PRIM2: variants seen among roughly 807,000 people sequenced by gnomAD.
PRIM2 encodes DNA primase large subunit.
PRIM2 carries 39 observed loss-of-function variants against 67.3 expected under a neutral mutation model. The ratio of observed to expected loss-of-function variants is 0.58; its 90% CI spans 0.45 to 0.76. The LOEUF is 0.76. PRIM2 is among the 30% of genes least tolerant of loss of function. The probability of loss-of-function intolerance (pLI) is 0.00; values close to 1 mark genes in which losing one functional copy is unlikely to be tolerated. For missense variants in PRIM2, 398 were observed against 598.7 expected, an observed-to-expected ratio of 0.66 and a Z score of 3.50; for synonymous variants, 143 against 198.7, an observed-to-expected ratio of 0.72 and a Z score of 2.36.
chr6:57,453,551 G>A lies in PRIM2; in HGVS notation c.694-53836G>A, dbSNP rs1772636834. On this transcript the variant is annotated intron_variant, in intron 7 of 13. Coordinates refer to ENST00000615550, the MANE Select transcript of PRIM2 (RefSeq NM_000947.5). ...GTATTTTATTCTCTTTGAAGCAATT[G>A]TGAATGGGAGTTCACTCATGATTTG... Among the ~76,000 whole-genome samples, 3 of 152,188 alleles carry A rather than the reference G, an allele frequency of 2.0e-5. No homozygotes were observed. The South Asian group carries it at 6.2e-4, about 32-fold the overall frequency.
intron 7 of PRIM2, among the ~76,000 whole-genome samples, chr6:57,462,586 T>C (rs1183403779): frequency 1.3e-5 from 2 of 152,190 alleles, no homozygotes; most frequent in Non-Finnish European, 2.9e-5. Flanking sequence ...GTTTGGTTCT[T>C]TGTGATCTGG....
At chr6:57,500,447 T>C (rs1774108398) in intron 7 of PRIM2, among the ~76,000 whole-genome samples, 1 of 152,086 alleles carries the variant, frequency 6.6e-6, no homozygotes, top group Admixed American at 6.6e-5. Flanking sequence ...ATCAAAAGGG[T>C]CAGAGTCTAG....
intron 5 of PRIM2, among the ~76,000 whole-genome samples, chr6:57,353,589 G>A (rs1257743540): frequency 1.2e-4 from 18 of 152,196 alleles, no homozygotes; most frequent in Non-Finnish European, 2.1e-4. Flanking sequence ...GAAGATCTAC[G>A]GTTTTGGTGG....
intron 10 of PRIM2, among the ~76,000 whole-genome samples, chr6:57,596,110 A>G (rs1181796741): frequency 2.6e-5 from 4 of 152,164 alleles, no homozygotes; most frequent in African/African-American, 9.6e-5. Flanking sequence ...AGATGCACCT[A>G]GCATCCCTCT....
At chr6:57,458,261 G>A (rs1581926762) in intron 7 of PRIM2, among the ~76,000 whole-genome samples, 1 of 152,296 alleles carries the variant, frequency 6.6e-6, no homozygotes, top group Non-Finnish European at 1.5e-5. Flanking sequence ...CATCATGCAT[G>A]TGTACAGCTT....
At chr6:57,433,144 C>A (rs1287200311) in intron 7 of PRIM2, among the ~76,000 whole-genome samples, 1 of 152,112 alleles carries the variant, frequency 6.6e-6, no homozygotes, top group African/African-American at 2.4e-5. Context: ...GATCCTGTGG[C>A]CTTCACAGCT....
chr6:57,406,119 GCT>G (rs1403153207), intron 7 of PRIM2, among the ~76,000 whole-genome samples: 2 of 152,202 alleles, frequency 1.3e-5, no homozygotes, highest in African/African-American at 4.8e-5. Context: ...ATTTTGCAAG[GCT>G]CTCTCTTAGA....
intron 7 of PRIM2, among the ~76,000 whole-genome samples, chr6:57,410,214 C>T (rs558943843): frequency 6.6e-6 from 1 of 151,632 alleles, no homozygotes; most frequent in Non-Finnish European, 1.5e-5. Context: ...ATCCCAGCTA[C>T]TCAGGAGGCT....
intron 7 of PRIM2, among the ~76,000 whole-genome samples, chr6:57,462,850 C>CA (rs11381052): frequency 2.6e-5 from 4 of 152,020 alleles, no homozygotes; most frequent in Middle Eastern, 3.4e-3. Context: ...TTAACAAATA[C>CA]AAAAAAAGGA....
At chr6:57,259,950 G>A in the PRIM2 span, among the ~76,000 whole-genome samples, 10 of 152,198 alleles carry the variant, frequency 6.6e-5, no homozygotes, top group Non-Finnish European at 1.3e-4. Flanking sequence ...AGCTATCCTA[G>A]CATCAGAGCT....
At chr6:57,407,005 A>C (rs1340771099) in intron 7 of PRIM2, among the ~76,000 whole-genome samples, 1 of 150,980 alleles carries the variant, frequency 6.6e-6, no homozygotes, top group Non-Finnish European at 1.5e-5. Context: ...CAGATAACTG[A>C]ACCTGGAAAA....
chr6:57,644,064 C>A (rs1344624733), intron 13 of PRIM2, among the ~76,000 whole-genome samples: 3 of 152,140 alleles, frequency 2.0e-5, no homozygotes, highest in African/African-American at 7.2e-5. Flanking sequence ...TTTAATCACA[C>A]CACGTCTCTT....
chr6:57,311,200 C>T (rs6915459), upstream of PRIM2, among the ~76,000 whole-genome samples: 83 of 30,972 alleles, frequency 2.7e-3, no homozygotes, highest in East Asian at 0.015. Flanking sequence ...CCTCACCTCC[C>T]AGACGGGGCG....
chr6:57,512,932 A>G (rs1774401333), intron 8 of PRIM2, among the ~76,000 whole-genome samples: 1 of 152,166 alleles, frequency 6.6e-6, no homozygotes, highest in Admixed American at 6.6e-5. Context: ...TTCTAATGAA[A>G]AATACTGCCT....
At chr6:57,287,965 C>T in the PRIM2 span, among the ~76,000 whole-genome samples, 1 of 152,094 alleles carries the variant, frequency 6.6e-6, no homozygotes, top group Non-Finnish European at 1.5e-5. Context: ...TGAAGCAGGG[C>T]AGGGTGTCGC....
At chr6:57,254,333 G>T in the PRIM2 span, among the ~76,000 whole-genome samples, 1 of 152,162 alleles carries the variant, frequency 6.6e-6, no homozygotes, top group East Asian at 1.9e-4. Context: ...ATGGCAACAA[G>T]TCCACTGTTT....
At chr6:57,408,408 T>C (rs1208095899) in intron 7 of PRIM2, among the ~76,000 whole-genome samples, 1 of 152,208 alleles carries the variant, frequency 6.6e-6, no homozygotes, top group Non-Finnish European at 1.5e-5. Flanking sequence ...GCTCAGGTGA[T>C]TGGTTTGACC....
At chr6:57,527,000 C>T (rs1383999961) in intron 8 of PRIM2, among the ~76,000 whole-genome samples, 13 of 152,206 alleles carry the variant, frequency 8.5e-5, no homozygotes, top group South Asian at 2.1e-4. Flanking sequence ...GAGAAGGGCA[C>T]GTCTCTTTCC....
chr6:57,330,480 G>C (rs565751004), intron 5 of PRIM2, among the ~76,000 whole-genome samples: 1 of 146,382 alleles, frequency 6.8e-6, no homozygotes, highest in African/African-American at 2.5e-5. Context: ...TCAGCCTCCC[G>C]CCGGCCACCA....
Sources: gnomAD v4.1 joint callset for allele counts (sites outside exome capture counted in the v4.1 genomes callset) on GRCh38, gnomAD v4.1.1 for gene constraint, MANE v1.5 for transcripts, NCBI Gene and HGNC (gene_info 2026-07-23, HGNC 2026-07-21) for gene names.